Variants in ALCAM observed in about 807,000 individuals in gnomAD.
ALCAM encodes CD166 antigen.
A neutral mutation model predicts 70.9 loss-of-function variants in ALCAM; 30 were observed. The ratio of observed to expected loss-of-function variants is 0.42; its 90% CI spans 0.32 to 0.57. The LOEUF is 0.57. Ranked by LOEUF, ALCAM falls within the 20% of genes least tolerant of loss-of-function variation. The pLI, the probability that ALCAM is intolerant of heterozygous loss-of-function variation, is 0.11. For synonymous variants in ALCAM, 249 were observed against 242.5 expected (o/e 1.03, Z -0.25); for missense variants, 591 against 695.1 (o/e 0.85, Z 1.68).
At chr3:105,389,835 T>C (rs1935765189) in intron 1 of ALCAM, among the ~76,000 whole-genome samples, 1 of 151,652 alleles carries the variant, frequency 6.6e-6, no homozygotes, top group African/African-American at 2.4e-5. Flanking sequence ...GAACATGTGA[T>C]GTTTGGCTTT....
rs781415771 is a variant in ALCAM, at chr3:105,563,204, CAAA to C, written c.1665-8636_1665-8634del. Among the ~76,000 whole-genome samples the C allele has an allele frequency of 5.3e-5, 4 of 75,506 alleles. No individual in the cohort carries two copies. In the South Asian group the frequency reaches 1.6e-3, roughly 30 times the overall value. The allele number at this position is 75,506 out of a possible 152,430, so 49.5% of individuals were successfully genotyped here. ...TTCATTTAAATTATTGACATTTTTG[CAAA>C]AAAAAAAAAAAGCCGGTAGAATTTT... is the stretch of plus-strand genomic sequence containing the variant. On this transcript the variant is annotated intron_variant, in intron 14 of 15. Transcript: ENST00000306107.
chr3:105,422,752 A>G (rs1244637931), intron 1 of ALCAM, among the ~76,000 whole-genome samples: 1 of 151,486 alleles, frequency 6.6e-6, no homozygotes, highest in East Asian at 1.9e-4. Context: ...AAATTATGCC[A>G]GATGAACTTA....
Position 105,367,123 on chromosome 3 carries a change from A to C in ALCAM, c.-286A>C. The C allele has an allele frequency of 2.2e-6, 1 of 447,986 alleles. No homozygotes were observed. 27.8% of individuals were successfully genotyped at this position (447,986 alleles called of 1,614,324 possible). A position where few individuals can be genotyped will look rare whatever the true frequency, so the allele number is the denominator to read the frequency against. On this transcript the variant is annotated 5_prime_UTR_variant, in exon 1 of 16. Transcript: ENST00000306107. ...CCGCTTACACCTTTCCGAATTACTC[A>C]AGTGTCTCCTGGAAACAGAGGGTCG... is the stretch of plus-strand genomic sequence containing the variant.
intron 1 of ALCAM, among the ~76,000 whole-genome samples, chr3:105,415,228 A>G (rs1200964706): frequency 1.3e-5 from 2 of 152,158 alleles, no homozygotes; most frequent in African/African-American, 4.8e-5. Flanking sequence ...ACTTGCTTTC[A>G]TCCCTTTGGT....
chr3:105,459,317 T>A (rs1186938511), intron 1 of ALCAM, among the ~76,000 whole-genome samples: 2 of 152,146 alleles, frequency 1.3e-5, no homozygotes, highest in African/African-American at 2.4e-5. Context: ...GTTTTGGTGC[T>A]CAAATAGCCA....
chr3:105,443,088 A>T (rs1937213551), intron 1 of ALCAM, among the ~76,000 whole-genome samples: 1 of 152,198 alleles, frequency 6.6e-6, no homozygotes, highest in Non-Finnish European at 1.5e-5. Context: ...GGCCTCCCAA[A>T]GCCTGGGGAT....
chr3:105,434,065 A>G (rs915034424), intron 1 of ALCAM, among the ~76,000 whole-genome samples: 1 of 152,182 alleles, frequency 6.6e-6, no homozygotes, highest in South Asian at 2.1e-4. Context: ...CAGAAAATAT[A>G]AGACAAAGGT....
At chr3:105,507,699 T>G (rs1939120657) in intron 1 of ALCAM, among the ~76,000 whole-genome samples, 1 of 152,248 alleles carries the variant, frequency 6.6e-6, no homozygotes, top group Non-Finnish European at 1.5e-5. Context: ...TTTTAGAAGT[T>G]ATAAGTAAAG....
chr3:105,443,645 C>T (rs1937230282), intron 1 of ALCAM, among the ~76,000 whole-genome samples: 1 of 152,054 alleles, frequency 6.6e-6, no homozygotes, highest in African/African-American at 2.4e-5. Flanking sequence ...TACATGTAGG[C>T]ACATCTTATT....
chr3:105,427,938 T>C (rs140001060), intron 1 of ALCAM, among the ~76,000 whole-genome samples: 1 of 151,964 alleles, frequency 6.6e-6, no homozygotes, highest in Non-Finnish European at 1.5e-5. Context: ...TATACTTTTT[T>C]AAATAAAATA....
rs1940214934 is a variant in ALCAM at position 105,545,212 on chromosome 3, C to T, written c.992-11C>T. 6.4e-7 allele frequency: 1 copy of T among 1,554,904 alleles called. No individual in the cohort carries two copies. The highest frequency in any genetic ancestry group is 1.1e-5 in the South Asian group (1 of 89,818). ...AGAGTTAGCACTTTGAACAGATTTTCTGCTTCACAGATTTGGATTTGTCCT... is the reference window on the plus strand; with the variant it reads ...AGAGTTAGCACTTTGAACAGATTTTTTGCTTCACAGATTTGGATTTGTCCT... On this transcript the variant is annotated splice_polypyrimidine_tract_variant and intron_variant, in intron 8 of 15. Coordinates refer to ENST00000306107, the MANE Select transcript of ALCAM (RefSeq NM_001627.4).
Position 105,550,159 on chromosome 3 carries a change from T to A in ALCAM, c.1407T>A (p.Tyr469Ter). Residue 469 changes from tyrosine to a stop codon, truncating the protein, a stop_gained, in exon 12 of 16, where the codon TAT becomes TAA. Transcript: ENST00000306107. LOFTEE classifies it high-confidence loss of function. ...TEESPYINGR[Y>*]YSKIIISPEE... ...AATCTCCTTATATTAATGGCAGGTA[T>A]TATAGTAAAATTATCATTTCCCCTG... 5 of 1,599,998 alleles carry A rather than the reference T, an allele frequency of 3.1e-6. No homozygotes were observed. The highest frequency in any genetic ancestry group is 4.3e-6 in the Non-Finnish European group (5 of 1,168,662).
intron 15 of ALCAM, 82 bp downstream of exon 15, chr3:105,572,046 G>A (rs2152636447): frequency 2.7e-6 from 2 of 753,356 alleles, no homozygotes; most frequent in Non-Finnish European, 4.2e-6. Context: ...TTTATGTTAA[G>A]ATGCTCCATA....
At chr3:105,400,816 G>GT (rs1408644633) in intron 1 of ALCAM, among the ~76,000 whole-genome samples, 1 of 152,156 alleles carries the variant, frequency 6.6e-6, no homozygotes, top group Non-Finnish European at 1.5e-5. Context: ...TTTCTACTCA[G>GT]TTACCAGCTA....
chr3:105,446,845 A>G (rs1576168623), intron 1 of ALCAM, among the ~76,000 whole-genome samples: 1 of 152,272 alleles, frequency 6.6e-6, no homozygotes, highest in African/African-American at 2.4e-5. Context: ...AGTGGCTCCC[A>G]GATCTGGAAC....
At chr3:105,551,445 G>C (rs1940404394) in intron 12 of ALCAM, among the ~76,000 whole-genome samples, 1 of 151,582 alleles carries the variant, frequency 6.6e-6, no homozygotes, top group African/African-American at 2.4e-5. Context: ...TGCCAATTTA[G>C]CATGTATGAG....
At chr3:105,558,911 G>T (rs2152633510) in intron 14 of ALCAM, among the ~76,000 whole-genome samples, 1 of 152,062 alleles carries the variant, frequency 6.6e-6, no homozygotes, top group Non-Finnish European at 1.5e-5. Context: ...AAGAGGAGGG[G>T]TTGTCTAAGA....
At chr3:105,520,209 C>T in intron 2 of ALCAM, 42 bp downstream of exon 2, 1 of 1,356,140 alleles carries the variant, frequency 7.4e-7, no homozygotes, top group Non-Finnish European at 1.1e-6. Context: ...TGCCCTTGTT[C>T]TTTTAAATAA....
chr3:105,491,358 T>C (rs1938581353), intron 1 of ALCAM, among the ~76,000 whole-genome samples: 1 of 152,206 alleles, frequency 6.6e-6, no homozygotes, highest in Non-Finnish European at 1.5e-5. Context: ...TTTTTCCCAT[T>C]GTCCTGGCAA....
Sources: gnomAD v4.1 joint callset for allele counts (sites outside exome capture counted in the v4.1 genomes callset) on GRCh38, gnomAD v4.1.1 for gene constraint, MANE v1.5 for transcripts, NCBI Gene and HGNC (gene_info 2026-07-23, HGNC 2026-07-21) for gene names.